The following DGKB variants were observed in gnomAD, a reference collection of about 807,000 sequenced individuals.
The protein encoded by DGKB is 90 kDa diacylglycerol kinase.
Under a neutral mutation model 114.3 loss-of-function variants are expected in DGKB, and 67 were observed. That is an observed-to-expected ratio of 0.59 (90% CI 0.48 to 0.72). DGKB has a LOEUF of 0.72. DGKB is among the 30% of genes least tolerant of loss of function. DGKB has a pLI of 0.00. For synonymous variants in DGKB, 398 were observed against 323.1 expected (o/e 1.23, Z -2.49); for missense variants, 907 against 975.2 (o/e 0.93, Z 0.93).
At chr7:14,310,908 G>A (rs1341327664) in intron 23 of DGKB, among the ~76,000 whole-genome samples, 1 of 152,092 alleles carries the variant, frequency 6.6e-6, no homozygotes, top group South Asian at 2.1e-4. Flanking sequence ...GTGGGAGGAT[G>A]CTTTGAGACC....
At position 14,222,078 on chromosome 7, in the gene DGKB, G is replaced by A. The variant is rs369377035; in HGVS notation, c.2123-43927C>T. On this transcript the variant is annotated intron_variant, in intron 23 of 25. Coordinates refer to ENST00000402815, the MANE Select transcript of DGKB (RefSeq NM_001350709.2). Reference sequence around the variant, plus strand: ...ATCTAGCTAAAGGTTTGTTAATTTCGTTGATCTTTTAAAAAAACTTGTTTT... The same window carrying A: ...ATCTAGCTAAAGGTTTGTTAATTTCATTGATCTTTTAAAAAAACTTGTTTT... 1.7e-4 allele frequency among the ~76,000 whole-genome samples: 25 copies of A among 150,536 alleles called. 1 individual carries two copies. In the South Asian group the frequency reaches 4.0e-3, roughly 24 times the overall value.
At chr7:14,668,815 A>G (rs143558903) in intron 13 of DGKB, among the ~76,000 whole-genome samples, 364 of 152,164 alleles carry the variant, frequency 2.4e-3, no homozygotes, top group African/African-American at 7.8e-3. Context: ...TCCTTTGCAT[A>G]TATTCTCAAC....
intron 23 of DGKB, among the ~76,000 whole-genome samples, chr7:14,233,786 A>G (rs1792293552): frequency 6.6e-6 from 1 of 151,920 alleles, no homozygotes; most frequent in South Asian, 2.1e-4. Flanking sequence ...GGGGGGTGCA[A>G]CCACAGGTCG....
intron 5 of DGKB, among the ~76,000 whole-genome samples, chr7:14,730,188 T>A (rs1380348524): frequency 6.6e-6 from 1 of 152,228 alleles, no homozygotes; most frequent in Non-Finnish European, 1.5e-5. Context: ...CAGTTACTAA[T>A]AATTGCTGTT....
chr7:14,567,355 TTATATTATA>T (rs1797652168), intron 20 of DGKB, among the ~76,000 whole-genome samples: 1 of 34,786 alleles, frequency 2.9e-5, no homozygotes. Flanking sequence ...ATATATATAA[TTATATTATA>T]TATATTATAT....
At chr7:14,703,998 C>G (rs1238992832) in intron 6 of DGKB, among the ~76,000 whole-genome samples, 2 of 152,086 alleles carry the variant, frequency 1.3e-5, no homozygotes, top group African/African-American at 4.8e-5. Context: ...ACTATTACCT[C>G]TAAATCGAAA....
At chr7:14,584,689 A>G (rs577294597) in intron 17 of DGKB, among the ~76,000 whole-genome samples, 1 of 150,688 alleles carries the variant, frequency 6.6e-6, no homozygotes. Flanking sequence ...ATGGAGTTTC[A>G]CTTTTGTCGC....
At chr7:14,180,974 A>G (rs1782554563) in intron 23 of DGKB, among the ~76,000 whole-genome samples, 1 of 152,170 alleles carries the variant, frequency 6.6e-6, no homozygotes, top group African/African-American at 2.4e-5. Flanking sequence ...GTGAGCAGCA[A>G]AAGATGGCCT....
In DGKB at chr7:14,969,864, T is replaced by C. The variant is rs543772819; in HGVS notation, c.-188+4832A>G. On this transcript the variant is annotated intron_variant, in intron 1 of 4. Coordinates refer to the DGKB transcript ENST00000437998. ...GGCAATTATAACACAATGGTAAGTA[T>C]TTGTGTATTGAAACACATCTAAACA... Among the ~76,000 whole-genome samples, 31 of 152,332 alleles carry C rather than the reference T, an allele frequency of 2.0e-4. 1 individual carries two copies. In the Middle Eastern group the frequency reaches 0.014, roughly 67 times the overall value.
chr7:14,485,300 GGTGTGTGTGTGTGTGT>G (rs60976022), intron 20 of DGKB, among the ~76,000 whole-genome samples: 3 of 141,898 alleles, frequency 2.1e-5, no homozygotes, highest in African/African-American at 2.6e-5. Context: ...ATGCTCATGA[GGTGTGTGTGTGTGTGT>G]GTGTGTGTGT....
At position 14,338,772 on chromosome 7, in the gene DGKB, G is replaced by A. The variant is rs566544222; in HGVS notation, c.1927-62C>T. 4.6e-6 allele frequency: 5 copies of A among 1,098,208 alleles called. No individual in the cohort carries two copies. In the Admixed American group the frequency reaches 1.7e-4, roughly 37 times the overall value. The allele number at this position is 1,098,208 out of a possible 1,614,324, so 68.0% of individuals were successfully genotyped here. On this transcript the variant is annotated intron_variant, in intron 22 of 25. Transcript: ENST00000402815. ...TTTATCTTTATTTCCCTGATTTCTT[G>A]TTTTTCATTTCCTCATCTTTTAATA... is the stretch of plus-strand genomic sequence containing the variant.
chr7:14,727,483 C>T (rs577309942), intron 5 of DGKB, among the ~76,000 whole-genome samples: 1 of 152,044 alleles, frequency 6.6e-6, no homozygotes, highest in Admixed American at 6.6e-5. Flanking sequence ...TTCAATACTA[C>T]AGAGGTACAT....
intron 20 of DGKB, among the ~76,000 whole-genome samples, chr7:14,506,648 G>A (rs181019389): frequency 4.8e-4 from 73 of 152,244 alleles, no homozygotes; most frequent in Admixed American, 4.0e-3. Flanking sequence ...GGAGAGCCAC[G>A]CACTAACCTC....
rs183935438 is a variant in DGKB at position 14,538,513 on chromosome 7, G to A, written c.1770+35699C>T. 3.3e-5 allele frequency among the ~76,000 whole-genome samples: 5 copies of A among 152,114 alleles called. No homozygotes were observed. In the East Asian group the frequency reaches 9.7e-4, roughly 29 times the overall value. ...CTGTTGGTAAAGTTATGGAGAAATC[G>A]GAATGCTTGTATACTTTTGGTAAGA... On this transcript the variant is annotated intron_variant, in intron 20 of 25. Coordinates refer to ENST00000402815, the MANE Select transcript of DGKB (RefSeq NM_001350709.2).
chr7:14,333,481 AAT>A (rs1390474697), intron 23 of DGKB, among the ~76,000 whole-genome samples: 2 of 138,484 alleles, frequency 1.4e-5, no homozygotes, highest in Non-Finnish European at 3.2e-5. Context: ...AAAAAAAAAA[AAT>A]CAATCTGTGA....
At chr7:14,386,969 T>C (rs1479220802) in intron 21 of DGKB, among the ~76,000 whole-genome samples, 1 of 152,060 alleles carries the variant, frequency 6.6e-6, no homozygotes, top group Non-Finnish European at 1.5e-5. Flanking sequence ...CATTAAAATA[T>C]TAAGTACTAA....
At chr7:14,323,680 T>G (rs1808222546) in intron 23 of DGKB, among the ~76,000 whole-genome samples, 1 of 152,226 alleles carries the variant, frequency 6.6e-6, no homozygotes, top group Non-Finnish European at 1.5e-5. Context: ...GATGATGTCA[T>G]GCTTGATGTG....
intron 9 of DGKB, among the ~76,000 whole-genome samples, chr7:14,687,510 GA>G (rs772976554): frequency 6.6e-6 from 1 of 151,980 alleles, no homozygotes; most frequent in Non-Finnish European, 1.5e-5. Context: ...CACGTGAATA[GA>G]ATACTTTATA....
chr7:14,392,995 G>GTTTTGTTTTTTGTTTTTTTTTT (rs1554404749), intron 21 of DGKB, among the ~76,000 whole-genome samples: 2 of 60,546 alleles, frequency 3.3e-5, no homozygotes, highest in African/African-American at 9.7e-5. Flanking sequence ...TTTTGTTTTT[G>GTTTTGTTTTTTGTTTTTTTTTT]TTTTTTTTTT....
Sources: gnomAD v4.1 joint callset for allele counts (sites outside exome capture counted in the v4.1 genomes callset) on GRCh38, gnomAD v4.1.1 for gene constraint, MANE v1.5 for transcripts, NCBI Gene and HGNC (gene_info 2026-07-23, HGNC 2026-07-21) for gene names.